PPP1R12B: variants seen among roughly 807,000 people sequenced by gnomAD.
PPP1R12B encodes the protein myosin phosphatase target subunit 2.
A neutral mutation model predicts 126.1 loss-of-function variants in PPP1R12B; 76 were observed. The observed-to-expected ratio is 0.60, with a 90% CI of 0.50 to 0.73. The LOEUF is 0.73. PPP1R12B is among the 30% of genes least tolerant of loss of function. The pLI is 0.00. For synonymous variants in PPP1R12B, 356 were observed against 434.7 expected (o/e 0.82, Z 2.25); for missense variants, 1,052 against 1,205.1 (o/e 0.87, Z 1.88).
chr1:202,388,636 C>T (rs536761704), intron 1 of PPP1R12B, among the ~76,000 whole-genome samples: 1 of 152,110 alleles, frequency 6.6e-6, no homozygotes, highest in South Asian at 2.1e-4. Flanking sequence ...AGTAGTACTA[C>T]AATAGTAACT....
intron 13 of PPP1R12B, among the ~76,000 whole-genome samples, chr1:202,487,477 A>G (rs1678299413): frequency 6.6e-6 from 1 of 152,266 alleles, no homozygotes; most frequent in Non-Finnish European, 1.5e-5. Flanking sequence ...AAGTCAAGAA[A>G]AGAAATAAAA....
rs531227611 is a variant in PPP1R12B at position 202,442,367 on chromosome 1, C to T, written c.1542-80C>T. The T allele has an allele frequency of 3.4e-5, 51 of 1,481,518 alleles. No homozygotes were observed. In the African/African-American group the frequency reaches 6.3e-4, roughly 18 times the overall value. The allele number at this position is 1,481,518 out of a possible 1,614,324, so 91.8% of individuals were successfully genotyped here. The stretch of plus-strand genomic sequence containing the variant: ...GCCATGTTATAGTTTGCCTGTCTGG[C>T]TCTTCTCTCTCTGCATTGTATCATG... On this transcript the variant is annotated intron_variant, in intron 11 of 23. Coordinates refer to ENST00000608999, the MANE Select transcript of PPP1R12B (RefSeq NM_002481.4).
In PPP1R12B at chr1:202,407,508, A is replaced by C. The variant is rs553894870; in HGVS notation, c.292-9279A>C. Among the ~76,000 whole-genome samples, 78 of 152,364 alleles carry C rather than the reference A, an allele frequency of 5.1e-4. 3 individuals are homozygous for C. In the South Asian group the frequency reaches 0.016, roughly 31 times the overall value. On this transcript the variant is annotated intron_variant, in intron 1 of 23. Coordinates refer to ENST00000608999, the MANE Select transcript of PPP1R12B (RefSeq NM_002481.4). ...CAGAGCCTGCCTGACCACTGAGTAC[A>C]TAATCAGATATAGTTCTCACCATCT...
intron 1 of PPP1R12B, among the ~76,000 whole-genome samples, chr1:202,397,938 GTC>G (rs1317379019): frequency 3.9e-5 from 6 of 152,294 alleles, no homozygotes; most frequent in South Asian, 4.1e-4. Flanking sequence ...TTGAGATGGA[GTC>G]TTGCCCTGTC....
chr1:202,422,412 G>A (rs1668921664), intron 2 of PPP1R12B, among the ~76,000 whole-genome samples: 1 of 152,200 alleles, frequency 6.6e-6, no homozygotes, highest in South Asian at 2.1e-4. Context: ...AATCCTGTTT[G>A]TTGGCATTGC....
At chr1:202,436,205 G>A (rs561973070) in intron 9 of PPP1R12B, among the ~76,000 whole-genome samples, 61 of 152,170 alleles carry the variant, frequency 4.0e-4, no homozygotes, top group African/African-American at 1.3e-3. Flanking sequence ...GGTCAAGGCT[G>A]TAGTGAGCTG....
chr1:202,558,168 G>A (rs1414862286), intron 18 of PPP1R12B, among the ~76,000 whole-genome samples: 1 of 151,728 alleles, frequency 6.6e-6, no homozygotes, highest in Non-Finnish European at 1.5e-5. Context: ...GAGGGTAAAG[G>A]TCATCTACAG....
chr1:202,396,320 G>A (rs1472111337), intron 1 of PPP1R12B, among the ~76,000 whole-genome samples: 1 of 152,080 alleles, frequency 6.6e-6, no homozygotes, highest in Non-Finnish European at 1.5e-5. Flanking sequence ...CCTTGGGCAT[G>A]TTACTTAATC....
At position 202,589,347 on chromosome 1, in the gene PPP1R12B, G is replaced by A. The variant is rs562087627; in HGVS notation, c.*8787G>A. On this transcript the variant is annotated 3_prime_UTR_variant, in exon 24 of 24. Coordinates refer to ENST00000608999, the MANE Select transcript of PPP1R12B (RefSeq NM_002481.4). ...CTCAGCCCTGTGTTTCCTGCCAAGCGGAAATCCCTGGTCACTGACTTGGGG... is the reference window on the plus strand; with the variant it reads ...CTCAGCCCTGTGTTTCCTGCCAAGCAGAAATCCCTGGTCACTGACTTGGGG... The A allele has an allele frequency of 4.6e-5, 7 of 152,100 alleles. No homozygotes were observed. The highest frequency in any genetic ancestry group is 7.4e-5 in the Non-Finnish European group (5 of 68,022). The allele number at this position is 152,100 out of a possible 1,614,324, so 9.4% of individuals were successfully genotyped here.
chr1:202,548,094 A>G (rs1357088988), intron 18 of PPP1R12B, among the ~76,000 whole-genome samples: 4 of 152,256 alleles, frequency 2.6e-5, no homozygotes, highest in African/African-American at 4.8e-5. Context: ...AAGTTAAGTA[A>G]TCATGTAAGA....
intron 2 of PPP1R12B, among the ~76,000 whole-genome samples, chr1:202,418,671 A>AC (rs1668395205): frequency 6.6e-6 from 1 of 152,176 alleles, no homozygotes; most frequent in African/African-American, 2.4e-5. Flanking sequence ...GGTGATCTAG[A>AC]CCAGAATCCA....
chr1:202,462,995 A>G (rs1377635548), intron 13 of PPP1R12B: 1 of 985,210 alleles, frequency 1.0e-6, no homozygotes, highest in Admixed American at 6.2e-5. Context: ...AATTGAGACA[A>G]GCCTCTGCCA....
At chr1:202,485,719 C>T (rs1048306047) in intron 13 of PPP1R12B, among the ~76,000 whole-genome samples, 4 of 152,108 alleles carry the variant, frequency 2.6e-5, no homozygotes, top group Admixed American at 2.6e-4. Context: ...TTTGCTGTTC[C>T]CCTAGTGCTC....
intron 12 of PPP1R12B, chr1:202,448,707 G>A (rs2148715227): frequency 1.0e-5 from 4 of 399,312 alleles, no homozygotes; most frequent in Middle Eastern, 7.4e-4. Flanking sequence ...TCACTATCTT[G>A]CCTTGTGCCA....
chr1:202,553,420 A>C (rs1372475810), intron 18 of PPP1R12B, among the ~76,000 whole-genome samples: 3 of 152,236 alleles, frequency 2.0e-5, no homozygotes, highest in African/African-American at 7.2e-5. Flanking sequence ...AATCTTTAAC[A>C]AAAACACTTA....
At chr1:202,443,558 A>G (rs1282491223) in intron 12 of PPP1R12B, among the ~76,000 whole-genome samples, 3 of 152,276 alleles carry the variant, frequency 2.0e-5, no homozygotes, top group Non-Finnish European at 2.9e-5. Context: ...GATACATTCT[A>G]TAAGAAAGGG....
At chr1:202,529,713 T>G (rs1412478604) in intron 18 of PPP1R12B, among the ~76,000 whole-genome samples, 1 of 152,224 alleles carries the variant, frequency 6.6e-6, no homozygotes, top group Non-Finnish European at 1.5e-5. Context: ...AGTGTGTTGC[T>G]ACCAGGCAGT....
In PPP1R12B at chr1:202,348,764, G is replaced by A; in HGVS notation, c.-88G>A. 14 of 1,472,650 alleles carry A rather than the reference G, an allele frequency of 9.5e-6. No homozygotes were observed. Among genetic ancestry groups the A allele is most frequent in the South Asian group, 1.4e-5 (1 of 71,104 alleles). The allele number at this position is 1,472,650 out of a possible 1,614,324, so 91.2% of individuals were successfully genotyped here. On this transcript the variant is annotated 5_prime_UTR_variant, in exon 1 of 24. Transcript: ENST00000608999. The stretch of plus-strand genomic sequence containing the variant: ...TCTCCGCCCTCTGCTCCGGGCTGAA[G>A]CGCTCTGAGAGAGGCGGCAGCGGCA...
intron 1 of PPP1R12B, among the ~76,000 whole-genome samples, chr1:202,395,823 G>A (rs1414465776): frequency 6.6e-6 from 1 of 152,072 alleles, no homozygotes; most frequent in African/African-American, 2.4e-5. Flanking sequence ...ATCTGGCAAC[G>A]TCCTAACTGG....
Sources: allele counts gnomAD v4.1 joint callset (sites outside exome capture counted in the v4.1 genomes callset), GRCh38; gene constraint gnomAD v4.1.1; transcripts MANE v1.5; gene names NCBI Gene and HGNC (gene_info 2026-07-23, HGNC 2026-07-21).